The following ZNF385D variants were observed in gnomAD, a reference collection of about 807,000 sequenced individuals.
The protein encoded by ZNF385D is zinc finger protein 385D, also known as zinc finger protein 659.
A neutral mutation model predicts 35.8 loss-of-function variants in ZNF385D; 15 were observed. The ratio of observed to expected loss-of-function variants is 0.42; its 90% confidence interval spans 0.28 to 0.64. ZNF385D has a LOEUF of 0.64. Among genes scored for constraint, ZNF385D ranks in the 30% least tolerant of loss-of-function variants. ZNF385D has a pLI of 0.23. For missense variants in ZNF385D, 474 were observed against 494.6 expected, an observed-to-expected ratio of 0.96 and a Z score of 0.39; for synonymous variants, 212 against 186.8, an observed-to-expected ratio of 1.13 and a Z score of -1.10.
intron 2 of ZNF385D, among the ~76,000 whole-genome samples, chr3:22,343,099 A>T (rs1216391088): frequency 2.6e-5 from 4 of 152,238 alleles, no homozygotes; most frequent in East Asian, 1.9e-4. Flanking sequence ...ATATTTGGTT[A>T]AAGTATTTAC....
At chr3:21,843,901 T>G (rs1444095742) in intron 3 of ZNF385D, among the ~76,000 whole-genome samples, 1 of 151,968 alleles carries the variant, frequency 6.6e-6, no homozygotes, top group African/African-American at 2.4e-5. Context: ...TCTCATTTCC[T>G]GCTGGGGAAC....
At chr3:21,931,553 C>T (rs111566523) in intron 3 of ZNF385D, among the ~76,000 whole-genome samples, 127 of 152,152 alleles carry the variant, frequency 8.3e-4, no homozygotes, top group African/African-American at 2.8e-3. Context: ...AAGTACAAGA[C>T]GGCATATTCG....
At chr3:21,540,698 C>T (rs572780548) in intron 3 of ZNF385D, among the ~76,000 whole-genome samples, 13 of 152,240 alleles carry the variant, frequency 8.5e-5, no homozygotes, top group African/African-American at 2.2e-4. Context: ...CCACAGATTT[C>T]GTAAACAAGA....
chr3:22,304,521 A>G (rs2125416582), intron 2 of ZNF385D, among the ~76,000 whole-genome samples: 1 of 152,030 alleles, frequency 6.6e-6, no homozygotes, highest in Admixed American at 6.5e-5. Context: ...ATCTGAGGCC[A>G]GGGCCCTTGT....
At chr3:21,994,446 G>A (rs1237609230) in intron 3 of ZNF385D, among the ~76,000 whole-genome samples, 1 of 151,994 alleles carries the variant, frequency 6.6e-6, no homozygotes, top group African/African-American at 2.4e-5. Context: ...TTGTTTTCCT[G>A]AATTATTTAT....
chr3:21,659,536 C>G (rs1366198629), intron 2 of ZNF385D, among the ~76,000 whole-genome samples: 4 of 152,022 alleles, frequency 2.6e-5, no homozygotes, highest in South Asian at 4.2e-4. Context: ...TGAGCAATGT[C>G]ATACAAGGAA....
At chr3:22,008,204 A>G (rs1175513599) in intron 3 of ZNF385D, among the ~76,000 whole-genome samples, 2 of 152,128 alleles carry the variant, frequency 1.3e-5, no homozygotes, top group African/African-American at 2.4e-5. Flanking sequence ...CTACACTTTC[A>G]AAATAAGGTA....
intron 2 of ZNF385D, among the ~76,000 whole-genome samples, chr3:21,620,830 G>A (rs113302708): frequency 6.6e-6 from 1 of 152,210 alleles, no homozygotes; most frequent in East Asian, 1.9e-4. Flanking sequence ...TTGACAAGGC[G>A]CACGGAGCCC....
chr3:22,127,317 C>T (rs1252586054), intron 3 of ZNF385D, among the ~76,000 whole-genome samples: 48 of 56,332 alleles, frequency 8.5e-4, no homozygotes, highest in East Asian at 7.5e-3. Context: ...TCATTTCCTG[C>T]TTTTTTTTTT....
intron 1 of ZNF385D, among the ~76,000 whole-genome samples, chr3:21,691,153 A>G (rs1278353416): frequency 6.6e-6 from 1 of 151,892 alleles, no homozygotes; most frequent in African/African-American, 2.4e-5. Context: ...TTAACTTTTG[A>G]CCGCAGCTGT....
chr3:21,464,144 G>A (rs945698966), intron 4 of ZNF385D, among the ~76,000 whole-genome samples: 9 of 152,152 alleles, frequency 5.9e-5, no homozygotes, highest in Admixed American at 4.6e-4. Context: ...CAAGGTTTTT[G>A]ATAAAGCAGT....
At chr3:22,047,196 G>A (rs1304672632) in intron 3 of ZNF385D, among the ~76,000 whole-genome samples, 1 of 152,044 alleles carries the variant, frequency 6.6e-6, no homozygotes, top group Non-Finnish European at 1.5e-5. Context: ...GCTAAATCAA[G>A]CTAATTTATG....
intron 2 of ZNF385D, among the ~76,000 whole-genome samples, chr3:22,325,690 G>A (rs149594942): frequency 2.2e-4 from 33 of 152,160 alleles, no homozygotes; most frequent in African/African-American, 5.1e-4. Flanking sequence ...ACCCAGGGGC[G>A]GATGCCACAG....
At chr3:21,520,971 T>C (rs1176081012) in intron 3 of ZNF385D, among the ~76,000 whole-genome samples, 1 of 152,202 alleles carries the variant, frequency 6.6e-6, no homozygotes, top group Non-Finnish European at 1.5e-5. Flanking sequence ...TACTCTGTGT[T>C]TGCTGAAGAA....
intron 2 of ZNF385D, among the ~76,000 whole-genome samples, chr3:21,584,733 A>C (rs1361825456): frequency 2.6e-5 from 4 of 152,032 alleles, no homozygotes; most frequent in Non-Finnish European, 5.9e-5. Context: ...TCCTCTTCTT[A>C]GTCATCAGTC....
intron 3 of ZNF385D, among the ~76,000 whole-genome samples, chr3:22,056,886 C>G (rs1699430437): frequency 6.6e-6 from 1 of 152,146 alleles, no homozygotes; most frequent in African/African-American, 2.4e-5. Context: ...TTAGTAACCA[C>G]TCAGAACAAG....
intron 3 of ZNF385D, among the ~76,000 whole-genome samples, chr3:21,818,686 G>C (rs2073267070): frequency 6.6e-6 from 1 of 152,102 alleles, no homozygotes; most frequent in Admixed American, 6.6e-5. Context: ...GAGGAAATGA[G>C]AAAGGTAAAG....
intron 2 of ZNF385D, among the ~76,000 whole-genome samples, chr3:22,261,615 G>C (rs1480799940): frequency 6.6e-6 from 1 of 151,928 alleles, no homozygotes; most frequent in Non-Finnish European, 1.5e-5. Flanking sequence ...CTCTTCCTCT[G>C]TTTTCTACCT....
intron 2 of ZNF385D, among the ~76,000 whole-genome samples, chr3:21,624,395 C>G (rs978564076): frequency 2.0e-5 from 3 of 151,858 alleles, no homozygotes; most frequent in Non-Finnish European, 4.4e-5. Context: ...ATTTTTTTCC[C>G]CATAAAGCAC....
Sources: allele counts gnomAD v4.1 joint callset (sites outside exome capture counted in the v4.1 genomes callset), GRCh38; gene constraint gnomAD v4.1.1; transcripts MANE v1.5; gene names NCBI Gene and HGNC (gene_info 2026-07-23, HGNC 2026-07-21).